The following QNG1 variants were observed in gnomAD, a reference collection of about 807,000 sequenced individuals.
QNG1 encodes queuosine 5'-phosphate N-glycosylase/hydrolase.
At chr9:83,943,670 G>T in the QNG1 span, among the ~76,000 whole-genome samples, 28 of 152,170 alleles carry the variant, frequency 1.8e-4, no homozygotes, top group South Asian at 4.1e-4. Flanking sequence ...TCTGATCTGG[G>T]GGATTCAAAT....
At chr9:83,956,514 A>G in the QNG1 span, 4 of 1,515,842 alleles carry the variant, frequency 2.6e-6, no homozygotes, top group Non-Finnish European at 3.5e-6. Context: ...GCCCTTTGGG[A>G]CCCGGCGGGC....
the QNG1 span, chr9:83,955,304 T>TA: frequency 6.7e-7 from 1 of 1,485,662 alleles, no homozygotes; most frequent in East Asian, 2.3e-5. Flanking sequence ...TTTTTATTCT[T>TA]AAAATGAGTT....
chr9:83,941,710 C>T, the QNG1 span, among the ~76,000 whole-genome samples: 3 of 152,018 alleles, frequency 2.0e-5, no homozygotes, highest in Non-Finnish European at 2.9e-5. Context: ...GTTAGGAATT[C>T]GAGAGCAGCC....
chr9:83,950,762 G>C, the QNG1 span, among the ~76,000 whole-genome samples: 8 of 151,864 alleles, frequency 5.3e-5, no homozygotes, highest in Non-Finnish European at 1.2e-4. Context: ...ACCAAGGCCA[G>C]TTAATTTTCT....
chr9:83,939,497 G>C, the QNG1 span: 1 of 1,568,892 alleles, frequency 6.4e-7, no homozygotes, highest in Non-Finnish European at 8.8e-7. Context: ...CTTTGGATCA[G>C]TTTACACTTG....
chr9:83,945,027 C>G, the QNG1 span: 16 of 1,477,922 alleles, frequency 1.1e-5, no homozygotes, highest in Non-Finnish European at 1.4e-5. Flanking sequence ...ATTTGAGTAT[C>G]TGAAAGCTTT....
chr9:83,952,514 G>T, the QNG1 span, among the ~76,000 whole-genome samples: 1 of 151,928 alleles, frequency 6.6e-6, no homozygotes, highest in Non-Finnish European at 1.5e-5. Context: ...ACAAAAATTA[G>T]GCCAGGTGCG....
the QNG1 span, among the ~76,000 whole-genome samples, chr9:83,950,769 T>C: frequency 1.3e-5 from 2 of 151,936 alleles, no homozygotes; most frequent in South Asian, 4.2e-4. Flanking sequence ...CCAGTTAATT[T>C]TCTTGTTATT....
the QNG1 span, among the ~76,000 whole-genome samples, chr9:83,950,494 T>C: frequency 6.6e-6 from 1 of 152,212 alleles, no homozygotes; most frequent in East Asian, 1.9e-4. Context: ...ACATGTTTCA[T>C]GATATTGTTT....
the QNG1 span, among the ~76,000 whole-genome samples, chr9:83,954,772 C>A: frequency 7.1e-6 from 1 of 140,134 alleles, no homozygotes; most frequent in Admixed American, 7.6e-5. Flanking sequence ...CCCAGCTAGT[C>A]GGGAGACTGA....
At chr9:83,949,039 G>T in the QNG1 span, among the ~76,000 whole-genome samples, 55,624 of 148,798 alleles carry the variant, frequency 0.37, 12,567 homozygotes, top group African/African-American at 0.65. Context: ...CACTATTGTC[G>T]ATGACCCTGC....
chr9:83,943,664 A>G, the QNG1 span, among the ~76,000 whole-genome samples: 1 of 152,186 alleles, frequency 6.6e-6, no homozygotes. Context: ...TGTTATTCTG[A>G]TCTGGGGGAT....
chr9:83,953,670 T>C, the QNG1 span: 2 of 684,546 alleles, frequency 2.9e-6, no homozygotes, highest in Non-Finnish European at 4.9e-6. Flanking sequence ...TTTCTTTTAT[T>C]TTTTTGAGAT....
At chr9:83,938,359 T>G in the QNG1 span, 1 of 152,134 alleles carries the variant, frequency 6.6e-6, no homozygotes, top group African/African-American at 2.4e-5. Flanking sequence ...ATAGTTACTC[T>G]GAAAAAACAA....
chr9:83,939,697 C>T, the QNG1 span: 2 of 1,614,126 alleles, frequency 1.2e-6, no homozygotes, highest in Admixed American at 1.7e-5. Flanking sequence ...AAAGCGAGCA[C>T]CCTCTGATTT....
the QNG1 span, among the ~76,000 whole-genome samples, chr9:83,943,448 TATGGCCATA>T: frequency 1.3e-5 from 2 of 148,980 alleles, no homozygotes; most frequent in African/African-American, 2.5e-5. Flanking sequence ...AGCAGCTTAA[TATGGCCATA>T]TGAAAAATAA....
the QNG1 span, chr9:83,955,571 G>T: frequency 1.6e-3 from 2,592 of 1,614,176 alleles, 41 homozygotes; most frequent in African/African-American, 0.032. Flanking sequence ...GTCTGTGTCA[G>T]AACGAAGTAT....
the QNG1 span, among the ~76,000 whole-genome samples, chr9:83,951,514 T>C: frequency 6.6e-6 from 1 of 152,166 alleles, no homozygotes; most frequent in Non-Finnish European, 1.5e-5. Context: ...TGAGCCGAGA[T>C]TGCGCCATTG....
At chr9:83,956,535 C>T in the QNG1 span, 1 of 1,505,908 alleles carries the variant, frequency 6.6e-7, no homozygotes, top group Non-Finnish European at 8.9e-7. Context: ...CAAACTCTTC[C>T]CGCCCTAGGC....
Sources: gnomAD v4.1 joint callset for allele counts (sites outside exome capture counted in the v4.1 genomes callset) on GRCh38, gnomAD v4.1.1 for gene constraint, MANE v1.5 for transcripts, NCBI Gene and HGNC (gene_info 2026-07-23, HGNC 2026-07-21) for gene names.